The following MBD5 variants were observed in gnomAD, a reference collection of about 807,000 sequenced individuals.
The protein encoded by MBD5 is methyl-CpG binding domain protein 5.
In MBD5, 13 loss-of-function variants were observed where a neutral mutation model predicts 117.3. The ratio of observed to expected loss-of-function variants is 0.11; its 90% CI spans 0.07 to 0.18. The LOEUF (loss-of-function observed/expected upper bound fraction) is 0.18. MBD5 is among the 10% of genes least tolerant of loss of function. The pLI is 1.00. For missense variants in MBD5, 1,879 were observed against 2,093.8 expected, an observed-to-expected ratio of 0.90 and a Z score of 2.00; for synonymous variants, 727 against 766.4, an observed-to-expected ratio of 0.95 and a Z score of 0.85.
At chr2:148,073,041 C>T (rs1695404327) in intron 1 of MBD5, among the ~76,000 whole-genome samples, 1 of 152,134 alleles carries the variant, frequency 6.6e-6, no homozygotes, top group African/African-American at 2.4e-5. Flanking sequence ...CACCCCACCC[C>T]ACCACCATAG....
At chr2:148,139,700 C>T (rs1028245468) in intron 1 of MBD5, among the ~76,000 whole-genome samples, 2 of 152,100 alleles carry the variant, frequency 1.3e-5, no homozygotes, top group African/African-American at 4.8e-5. Flanking sequence ...TACCTTTCTT[C>T]CCAGGATGAC....
At chr2:148,473,364 G>C (rs1452243934) in intron 8 of MBD5, among the ~76,000 whole-genome samples, 1 of 152,004 alleles carries the variant, frequency 6.6e-6, no homozygotes, top group East Asian at 1.9e-4. Context: ...CTTTAAAAGA[G>C]ATGTAGATGC....
At chr2:148,243,191 A>C (rs1275509916) in intron 3 of MBD5, among the ~76,000 whole-genome samples, 1 of 150,862 alleles carries the variant, frequency 6.6e-6, no homozygotes, top group Admixed American at 6.6e-5. Flanking sequence ...AATTGATTTT[A>C]TTTTTATCTA....
Position 148,515,799 on chromosome 2 carries a change from A to C in MBD5, c.*2858A>C, listed in dbSNP as rs569612084. ...AACAGTCCTAGGAAGCACAAGGAGA[A>C]TAAACTAAACCTCTAAGAAGGTTTT... is the stretch of plus-strand genomic sequence containing the variant. On this transcript the variant is annotated 3_prime_UTR_variant, in exon 14 of 14. Transcript: ENST00000642680. The C allele has an allele frequency of 9.2e-5, 14 of 152,370 alleles. No homozygotes were observed. The highest frequency in any genetic ancestry group is 3.4e-3 in the Middle Eastern group (1 of 294). 9.4% of individuals were successfully genotyped at this position (152,370 alleles called of 1,614,324 possible). A position where few individuals can be genotyped will look rare whatever the true frequency, so the allele number is the denominator to read the frequency against.
At position 148,502,460 on chromosome 2, in the gene MBD5, C is replaced by A. The variant is rs2105225876; in HGVS notation, c.4987C>A (p.Leu1663Ile). 6.2e-6 allele frequency: 10 copies of A among 1,614,152 alleles called. No homozygotes were observed. The highest frequency in any genetic ancestry group is 8.5e-6 in the Non-Finnish European group (10 of 1,180,002). Residue 1663 changes from leucine to isoleucine, a missense_variant, in exon 12 of 14, where the codon CTA becomes ATA. Leu to Ile is a conservative substitution (Grantham distance 5). Around this residue, in one of 4 missense-constraint regions of MBD5, gnomAD observed 135 missense variants for 148.0 expected, o/e 0.91. Coordinates refer to ENST00000642680, the MANE Select transcript of MBD5 (RefSeq NM_001378120.1). Reference sequence around the variant, plus strand: ...GGTGGAGCCCGAGAAGTTGAAGACACTAACAGAAGGTTTGGAAGCCTACAG... The same window carrying A: ...GGTGGAGCCCGAGAAGTTGAAGACAATAACAGAAGGTTTGGAAGCCTACAG... Reference protein sequence around the residue: ...GKVEPEKLKTLTEGLEAYSRV... With the variant: ...GKVEPEKLKTITEGLEAYSRV...
intron 3 of MBD5, among the ~76,000 whole-genome samples, chr2:148,294,055 T>A (rs1701569200): frequency 6.6e-6 from 1 of 152,176 alleles, no homozygotes; most frequent in Non-Finnish European, 1.5e-5. Flanking sequence ...TGTCAGATTA[T>A]CAACTGGATT....
At chr2:148,221,978 G>A (rs1394823002) in intron 2 of MBD5, among the ~76,000 whole-genome samples, 2 of 152,014 alleles carry the variant, frequency 1.3e-5, no homozygotes, top group Admixed American at 6.5e-5. Flanking sequence ...TGTGCATATG[G>A]ATATTCATTT....
chr2:148,327,889 T>C (rs1344118566), intron 3 of MBD5, among the ~76,000 whole-genome samples: 1 of 152,240 alleles, frequency 6.6e-6, no homozygotes. Context: ...GGTGAGGAAC[T>C]GCGTTCCTTT....
intron 1 of MBD5, among the ~76,000 whole-genome samples, chr2:148,104,651 C>CAA (rs1696321816): frequency 6.6e-6 from 1 of 152,112 alleles, no homozygotes; most frequent in Non-Finnish European, 1.5e-5. Context: ...AGAATGTGGC[C>CAA]TTAGTTAGTG....
chr2:148,141,055 A>C (rs1471581435), intron 1 of MBD5, among the ~76,000 whole-genome samples: 7 of 152,150 alleles, frequency 4.6e-5, no homozygotes, highest in African/African-American at 1.7e-4. Context: ...TACAGGTGTC[A>C]GGCACCGCGC....
At chr2:148,351,194 A>G (rs1017402053) in intron 4 of MBD5, among the ~76,000 whole-genome samples, 3 of 151,996 alleles carry the variant, frequency 2.0e-5, no homozygotes, top group Non-Finnish European at 4.4e-5. Context: ...TTGTGCACCC[A>G]TCGTCACAGT....
chr2:148,328,145 G>A (rs1337568313), intron 3 of MBD5, among the ~76,000 whole-genome samples: 3 of 152,194 alleles, frequency 2.0e-5, no homozygotes, highest in African/African-American at 7.2e-5. Flanking sequence ...CTCCTAGTTA[G>A]GCTGCTCGGG....
At chr2:148,377,679 G>T (rs932876624) in intron 4 of MBD5, among the ~76,000 whole-genome samples, 5 of 152,178 alleles carry the variant, frequency 3.3e-5, no homozygotes, top group Non-Finnish European at 7.3e-5. Context: ...AGAGGAGGCT[G>T]AAAATTCTCT....
chr2:148,501,564 A>T (rs547765480), intron 11 of MBD5, among the ~76,000 whole-genome samples: 1 of 152,310 alleles, frequency 6.6e-6, no homozygotes, highest in African/African-American at 2.4e-5. Flanking sequence ...TTTTATTCCC[A>T]AGTCACATAC....
At chr2:148,409,775 A>G (rs539374319) in intron 4 of MBD5, among the ~76,000 whole-genome samples, 2 of 152,308 alleles carry the variant, frequency 1.3e-5, no homozygotes, top group African/African-American at 4.8e-5. Flanking sequence ...CTCAAATACT[A>G]TATGTGTGAT....
Position 148,220,851 on chromosome 2 carries a change from G to A in MBD5, c.-830-12394G>A, listed in dbSNP as rs146725703. On this transcript the variant is annotated intron_variant, in intron 2 of 13. Transcript: ENST00000642680. ...TACTATCAACTATAGTCACCCTGTTGTGCTATCAAATACTAGGACTTAATT... is the reference window on the plus strand; with the variant it reads ...TACTATCAACTATAGTCACCCTGTTATGCTATCAAATACTAGGACTTAATT... 3.8e-3 allele frequency among the ~76,000 whole-genome samples: 581 copies of A among 152,022 alleles called. 20 individuals are homozygous for A. The highest frequency in any genetic ancestry group is 0.035 in the Admixed American group (534 of 15,256).
chr2:148,051,700 G>A (rs939210810), intron 1 of MBD5, among the ~76,000 whole-genome samples: 1 of 151,054 alleles, frequency 6.6e-6, no homozygotes, highest in Non-Finnish European at 1.5e-5. Flanking sequence ...CATTTGTTGA[G>A]ATGATCATAT....
chr2:148,064,662 G>T (rs988066353), intron 1 of MBD5, among the ~76,000 whole-genome samples: 1 of 152,120 alleles, frequency 6.6e-6, no homozygotes, highest in Non-Finnish European at 1.5e-5. Context: ...CCTTACACCT[G>T]AAATCAATCT....
chr2:148,197,237 G>A (rs996464148), intron 2 of MBD5, among the ~76,000 whole-genome samples: 3 of 152,126 alleles, frequency 2.0e-5, no homozygotes, highest in Non-Finnish European at 4.4e-5. Flanking sequence ...ACTGAGCCAC[G>A]TGAGAGGCTG....
Sources: gnomAD v4.1 joint callset for allele counts (sites outside exome capture counted in the v4.1 genomes callset) on GRCh38, gnomAD v4.1.1 for gene constraint, gnomAD v4.1.1 regional missense constraint, MANE v1.5 for transcripts, NCBI Gene and HGNC (gene_info 2026-07-23, HGNC 2026-07-21) for gene names.